FSTL5: variants seen among roughly 807,000 people sequenced by gnomAD.
FSTL5 encodes follistatin-related protein 5.
FSTL5 carries 62 observed loss-of-function variants against 89.1 expected under a neutral mutation model. The observed-to-expected ratio is 0.70, with a 90% CI of 0.57 to 0.86. FSTL5 has a LOEUF of 0.86. Among genes scored for constraint, FSTL5 ranks in the 40% least tolerant of loss-of-function variants. The pLI, the probability that FSTL5 is intolerant of heterozygous loss-of-function variation, is 0.00. For synonymous variants in FSTL5, 383 were observed against 346.2 expected (o/e 1.11, Z -1.18); for missense variants, 1,057 against 1,001.6 (o/e 1.06, Z -0.75).
At chr4:161,426,217 A>T (rs1237572872) in intron 15 of FSTL5, among the ~76,000 whole-genome samples, 1 of 152,196 alleles carries the variant, frequency 6.6e-6, no homozygotes, top group Non-Finnish European at 1.5e-5. Flanking sequence ...ATTTAACAAT[A>T]ACTGTTTGCT....
At chr4:161,568,174 G>A (rs1435619956) in intron 8 of FSTL5, among the ~76,000 whole-genome samples, 1 of 151,962 alleles carries the variant, frequency 6.6e-6, no homozygotes, top group Non-Finnish European at 1.5e-5. Flanking sequence ...TACCCACAAT[G>A]CAGGTAATAT....
At chr4:161,510,345 CTAA>C in intron 11 of FSTL5, 50 bp downstream of exon 11, 2 of 1,099,214 alleles carry the variant, frequency 1.8e-6, no homozygotes, top group Non-Finnish European at 2.6e-6. Context: ...ATCAACAAAT[CTAA>C]TAATAATCAA....
chr4:162,009,844 C>A (rs1197808701), intron 3 of FSTL5, among the ~76,000 whole-genome samples: 1 of 151,918 alleles, frequency 6.6e-6, no homozygotes, highest in Non-Finnish European at 1.5e-5. Flanking sequence ...AATCAATTTT[C>A]TACAAATTAC....
At chr4:162,127,840 G>T (rs533442739) in intron 1 of FSTL5, among the ~76,000 whole-genome samples, 3 of 152,226 alleles carry the variant, frequency 2.0e-5, no homozygotes, top group Admixed American at 2.0e-4. Context: ...ACCCTTGGGT[G>T]AAGAAAATTG....
intron 4 of FSTL5, among the ~76,000 whole-genome samples, chr4:161,790,903 G>A (rs1211692301): frequency 6.6e-6 from 1 of 152,122 alleles, no homozygotes; most frequent in East Asian, 1.9e-4. Context: ...GCTATTATCT[G>A]ATCATGGCAC....
chr4:161,532,288 T>C (rs567755747), intron 10 of FSTL5, among the ~76,000 whole-genome samples: 1 of 152,284 alleles, frequency 6.6e-6, no homozygotes, highest in Non-Finnish European at 1.5e-5. Flanking sequence ...AAGTGCTTTA[T>C]ACGTAAGATC....
At chr4:161,815,415 G>T (rs1730293211) in intron 4 of FSTL5, among the ~76,000 whole-genome samples, 1 of 152,028 alleles carries the variant, frequency 6.6e-6, no homozygotes, top group East Asian at 1.9e-4. Flanking sequence ...ATTTAATTAA[G>T]AAAATATTTG....
intron 7 of FSTL5, among the ~76,000 whole-genome samples, chr4:161,618,718 C>T (rs35447307): frequency 0.17 from 26,218 of 151,992 alleles, 2,357 homozygotes; most frequent in Middle Eastern, 0.32. Context: ...CTGCTGGATT[C>T]GTTTTGCCAG....
intron 4 of FSTL5, among the ~76,000 whole-genome samples, chr4:161,907,131 G>A (rs1297483977): frequency 6.6e-6 from 1 of 152,002 alleles, no homozygotes; most frequent in African/African-American, 2.4e-5. Context: ...AAGTAATTTT[G>A]ACATAAATTT....
chr4:161,545,768 A>C (rs1349497121), intron 8 of FSTL5, among the ~76,000 whole-genome samples: 1 of 151,990 alleles, frequency 6.6e-6, no homozygotes, highest in African/African-American at 2.4e-5. Flanking sequence ...AGTGCCTGAC[A>C]GTCATAGATG....
intron 12 of FSTL5, among the ~76,000 whole-genome samples, chr4:161,497,306 T>A (rs945430247): frequency 5.3e-5 from 8 of 152,106 alleles, no homozygotes; most frequent in Non-Finnish European, 7.4e-5. Flanking sequence ...ATGTGGCATA[T>A]AATAATTACA....
intron 7 of FSTL5, among the ~76,000 whole-genome samples, chr4:161,645,981 T>A (rs1736141464): frequency 6.6e-6 from 1 of 151,756 alleles, no homozygotes; most frequent in African/African-American, 2.4e-5. Context: ...GCTGTATTTT[T>A]AAATATCTGA....
intron 6 of FSTL5, among the ~76,000 whole-genome samples, chr4:161,733,034 G>A (rs1161032029): frequency 6.6e-6 from 1 of 151,370 alleles, no homozygotes; most frequent in African/African-American, 2.4e-5. Flanking sequence ...GCCTCCTGGT[G>A]TTTTATTTAA....
chr4:161,737,010 T>C (rs1739842677), intron 6 of FSTL5, among the ~76,000 whole-genome samples: 1 of 152,056 alleles, frequency 6.6e-6, no homozygotes, highest in Non-Finnish European at 1.5e-5. Context: ...ATTAACAAAA[T>C]GGATCTCAGA....
At chr4:161,980,219 A>C (rs573690048) in intron 3 of FSTL5, among the ~76,000 whole-genome samples, 3 of 151,130 alleles carry the variant, frequency 2.0e-5, no homozygotes, top group African/African-American at 7.3e-5. Context: ...AAGGAAAGGA[A>C]AGAAGAAAGG....
intron 8 of FSTL5, among the ~76,000 whole-genome samples, chr4:161,582,198 T>G (rs922793606): frequency 2.0e-5 from 3 of 152,240 alleles, no homozygotes; most frequent in Non-Finnish European, 4.4e-5. Context: ...TTTCCGGGCT[T>G]GTTATGGTAA....
intron 3 of FSTL5, among the ~76,000 whole-genome samples, chr4:161,987,211 TTTTGTTA>T (rs1735987108): frequency 3.9e-5 from 6 of 152,142 alleles, no homozygotes; most frequent in African/African-American, 4.8e-5. Context: ...CCCTTTCTTT[TTTTGTTA>T]TTTAAGATGA....
chr4:161,517,700 T>C (rs778294366), intron 10 of FSTL5, among the ~76,000 whole-genome samples: 4 of 152,242 alleles, frequency 2.6e-5, no homozygotes, highest in Non-Finnish European at 5.9e-5. Context: ...TGGCTATTCA[T>C]GTGTAAATTG....
At chr4:161,991,776 T>G (rs1736118334) in intron 3 of FSTL5, among the ~76,000 whole-genome samples, 1 of 152,004 alleles carries the variant, frequency 6.6e-6, no homozygotes, top group South Asian at 2.1e-4. Flanking sequence ...CTGCCTACAG[T>G]TTGTTAGAAG....
Sources: allele counts gnomAD v4.1 joint callset (sites outside exome capture counted in the v4.1 genomes callset), GRCh38; gene constraint gnomAD v4.1.1; transcripts MANE v1.5; gene names NCBI Gene and HGNC (gene_info 2026-07-23, HGNC 2026-07-21).